Variants in IL1RAPL1 observed in about 807,000 individuals in gnomAD.
IL1RAPL1 encodes interleukin-1 receptor accessory protein-like 1.
A neutral mutation model predicts 48.4 loss-of-function variants in IL1RAPL1; 3 were observed. The ratio of observed to expected loss-of-function variants is 0.06; its 90% CI spans 0.03 to 0.16. IL1RAPL1 has a LOEUF of 0.16. Ranked by LOEUF, IL1RAPL1 falls within the 10% of genes least tolerant of loss-of-function variation. The pLI is 1.00. For missense variants in IL1RAPL1, 349 were observed against 530.6 expected (o/e 0.66, Z 3.36); for synonymous variants, 185 against 187.7 (o/e 0.99, Z 0.12).
At chrX:28,614,775 A>G (rs111667574) in intron 1 of IL1RAPL1, among the ~76,000 whole-genome samples, 1,559 of 112,266 alleles carry the variant, frequency 0.014, 25 homozygotes, top group African/African-American at 0.047. Flanking sequence ...TGCCAGTTGT[A>G]CAATACTAGT....
intron 3 of IL1RAPL1, among the ~76,000 whole-genome samples, chrX:29,388,409 C>T (rs1323079595): frequency 9.0e-6 from 1 of 111,427 alleles, no homozygotes; most frequent in Admixed American, 9.6e-5. Flanking sequence ...AACCATATGA[C>T]CCAGCAATTC....
chrX:29,390,958 G>A (rs1028176450), intron 3 of IL1RAPL1, among the ~76,000 whole-genome samples: 1 of 111,303 alleles, frequency 9.0e-6, no homozygotes, highest in Non-Finnish European at 1.9e-5. Context: ...TAGATCAACT[G>A]AGATCAGGAG....
In IL1RAPL1 at chrX:29,133,291, C is replaced by T. The variant is rs535935895; in HGVS notation, c.83-149647C>T. ...TTGTATAAAAGTGACACACCCTCAA[C>T]TGCAATTTCAGTTTCCCTGGGGGAA... On this transcript the variant is annotated intron_variant, in intron 2 of 10. Coordinates refer to ENST00000378993, the MANE Select transcript of IL1RAPL1 (RefSeq NM_014271.4). 3.1e-4 allele frequency among the ~76,000 whole-genome samples: 35 copies of T among 111,760 alleles called. No individual in the cohort carries two copies. The South Asian group carries it at 0.012, about 38-fold the overall frequency.
intron 3 of IL1RAPL1, among the ~76,000 whole-genome samples, chrX:29,334,961 GC>G (rs1483387344): frequency 9.2e-6 from 1 of 108,564 alleles, no homozygotes; most frequent in African/African-American, 3.3e-5. Flanking sequence ...CCGAGATCAC[GC>G]CACTGCACTC....
At chrX:29,328,779 C>G (rs1426261317) in intron 3 of IL1RAPL1, among the ~76,000 whole-genome samples, 1 of 110,051 alleles carries the variant, frequency 9.1e-6, no homozygotes, top group African/African-American at 3.3e-5. Flanking sequence ...TCAGAATGCT[C>G]TATTCAAAGT....
chrX:29,036,503 T>G (rs770084309), intron 2 of IL1RAPL1, among the ~76,000 whole-genome samples: 1 of 112,025 alleles, frequency 8.9e-6, no homozygotes, highest in African/African-American at 3.2e-5. Context: ...AACAATTTGG[T>G]TTTAGTTTAT....
intron 2 of IL1RAPL1, among the ~76,000 whole-genome samples, chrX:29,115,574 AT>A: frequency 9.4e-6 from 1 of 106,432 alleles, no homozygotes; most frequent in East Asian, 2.9e-4. Flanking sequence ...TTCCTGGCAT[AT>A]CTTTAGCTCG....
chrX:29,232,991 G>T (rs2147559158), intron 2 of IL1RAPL1, among the ~76,000 whole-genome samples: 1 of 110,297 alleles, frequency 9.1e-6, no homozygotes, highest in African/African-American at 3.3e-5. Context: ...CAGAGACAGG[G>T]TTTCACCATG....
At chrX:29,631,829 A>G (rs1924785514) in intron 5 of IL1RAPL1, among the ~76,000 whole-genome samples, 1 of 111,436 alleles carries the variant, frequency 9.0e-6, no homozygotes, top group African/African-American at 3.3e-5. Flanking sequence ...TCAGTTGATT[A>G]CAGCTAATTG....
chrX:28,857,088 G>T (rs1443905624), intron 2 of IL1RAPL1, among the ~76,000 whole-genome samples: 1 of 112,222 alleles, frequency 8.9e-6, no homozygotes, highest in Non-Finnish European at 1.9e-5. Context: ...GTGTAATCTG[G>T]ATAGAAAATC....
chrX:29,155,489 T>C (rs1424795906), intron 2 of IL1RAPL1, among the ~76,000 whole-genome samples: 1 of 111,912 alleles, frequency 8.9e-6, no homozygotes, highest in Non-Finnish European at 1.9e-5. Context: ...ATGGGAGCCC[T>C]CAGGTACACT....
chrX:29,046,720 A>G (rs980255002), intron 2 of IL1RAPL1, among the ~76,000 whole-genome samples: 3 of 111,745 alleles, frequency 2.7e-5, no homozygotes, highest in East Asian at 5.6e-4. Flanking sequence ...GTGTCATCAG[A>G]TTATCTGTCT....
intron 6 of IL1RAPL1, among the ~76,000 whole-genome samples, chrX:29,686,581 T>G (rs532270305): frequency 2.0e-5 from 2 of 99,609 alleles, no homozygotes; most frequent in African/African-American, 7.4e-5. Flanking sequence ...ATTTAGAGAC[T>G]GAGTCTCGCT....
At chrX:29,690,535 A>G (rs1203650452) in intron 6 of IL1RAPL1, among the ~76,000 whole-genome samples, 4 of 111,591 alleles carry the variant, frequency 3.6e-5, no homozygotes, top group African/African-American at 9.8e-5. Flanking sequence ...TTCCTCTTGA[A>G]TTACTAGAGT....
At chrX:28,769,807 G>T (rs1478422856) in intron 1 of IL1RAPL1, among the ~76,000 whole-genome samples, 2 of 111,212 alleles carry the variant, frequency 1.8e-5, no homozygotes, top group African/African-American at 3.3e-5. Flanking sequence ...TATGGGATTG[G>T]GTCTAAAATT....
chrX:29,590,396 C>G (rs1443013346), intron 5 of IL1RAPL1, among the ~76,000 whole-genome samples: 1 of 111,604 alleles, frequency 9.0e-6, no homozygotes, highest in Non-Finnish European at 1.9e-5. Context: ...TAGAAATGTA[C>G]AAAAGGCCTA....
intron 2 of IL1RAPL1, among the ~76,000 whole-genome samples, chrX:28,999,109 G>A (rs1239642274): frequency 1.8e-5 from 2 of 111,034 alleles, no homozygotes; most frequent in Non-Finnish European, 3.8e-5. Context: ...ATAATTATGA[G>A]CTCTCTGCAA....
chrX:29,943,455 T>C (rs1312318088), intron 9 of IL1RAPL1, among the ~76,000 whole-genome samples: 1 of 111,993 alleles, frequency 8.9e-6, no homozygotes, highest in African/African-American at 3.2e-5. Context: ...ATAACACAAA[T>C]ACTGTAAGTG....
chrX:28,694,200 T>C (rs1042144043), intron 1 of IL1RAPL1, among the ~76,000 whole-genome samples: 1 of 111,972 alleles, frequency 8.9e-6, no homozygotes, highest in African/African-American at 3.2e-5. Flanking sequence ...TGCCTTCTCA[T>C]ATAGGCCACT....
Sources: gnomAD v4.1 joint callset for allele counts (sites outside exome capture counted in the v4.1 genomes callset) on GRCh38, gnomAD v4.1.1 for gene constraint, MANE v1.5 for transcripts, NCBI Gene and HGNC (gene_info 2026-07-23, HGNC 2026-07-21) for gene names.